Variants in KIF6 observed in about 807,000 individuals in gnomAD.
KIF6 encodes the protein kinesin family member 6, also known as kinesin-like protein KIF6.
KIF6 carries 106 observed loss-of-function variants against 112.7 expected under a neutral mutation model. That is an observed-to-expected ratio of 0.94 (90% CI 0.80 to 1.11). The LOEUF is 1.11. KIF6 is among the 50% of genes least tolerant of loss of function. KIF6 has a pLI of 0.00. For missense variants in KIF6, 929 were observed against 964.0 expected, an observed-to-expected ratio of 0.96 and a Z score of 0.48; for synonymous variants, 339 against 339.9, an observed-to-expected ratio of 1.00 and a Z score of 0.03.
intron 7 of KIF6, among the ~76,000 whole-genome samples, chr6:39,595,399 T>C (rs571079536): frequency 2.0e-5 from 3 of 152,338 alleles, no homozygotes; most frequent in South Asian, 4.1e-4. Flanking sequence ...TTTGGAAGAC[T>C]TGAATTTTAA....
intron 13 of KIF6, among the ~76,000 whole-genome samples, chr6:39,442,476 C>T (rs1428839549): frequency 6.6e-6 from 1 of 152,204 alleles, no homozygotes; most frequent in Non-Finnish European, 1.5e-5. Context: ...TTACAGAAAT[C>T]CGTGGACAGA....
intron 5 of KIF6, among the ~76,000 whole-genome samples, chr6:39,621,188 G>A (rs994183810): frequency 6.4e-5 from 9 of 140,830 alleles, no homozygotes; most frequent in Non-Finnish European, 6.0e-5. Context: ...AAATAACACC[G>A]TAAGATAGAC....
chr6:39,711,192 T>C (rs1554153261), intron 3 of KIF6, among the ~76,000 whole-genome samples: 1 of 90,336 alleles, frequency 1.1e-5, no homozygotes, highest in Non-Finnish European at 2.3e-5. Context: ...TAAGAATACA[T>C]GAAAAAAAAA....
chr6:39,349,631 CTTTTTTTTTT>C (rs58810898), intron 19 of KIF6, among the ~76,000 whole-genome samples: 809 of 64,532 alleles, frequency 0.013, 18 homozygotes, highest in African/African-American at 0.048. Flanking sequence ...ATTTGTGGCT[CTTTTTTTTTT>C]TTTTTTTTTT....
intron 15 of KIF6, among the ~76,000 whole-genome samples, chr6:39,402,632 G>A (rs943093657): frequency 1.3e-5 from 2 of 152,166 alleles, no homozygotes; most frequent in African/African-American, 4.8e-5. Context: ...GCACTTATTT[G>A]TAGTGACCTA....
At chr6:39,473,511 T>C (rs1774255735) in intron 13 of KIF6, among the ~76,000 whole-genome samples, 1 of 152,166 alleles carries the variant, frequency 6.6e-6, no homozygotes, top group Non-Finnish European at 1.5e-5. Context: ...GGGCCCAATG[T>C]CATTAGAAAG....
intron 3 of KIF6, among the ~76,000 whole-genome samples, chr6:39,656,402 T>C (rs576535257): frequency 1.3e-5 from 2 of 152,330 alleles, no homozygotes; most frequent in South Asian, 4.1e-4. Flanking sequence ...ATCCTCTGTC[T>C]ACACTGCCAC....
rs115712108 is a variant in KIF6 at position 39,441,178 on chromosome 6, G to A, written c.1646-10017C>T. ...ACTCTTCATACCCCTAGAAGACATC[G>A]CTGATCAATCTCAGCATCTTTCCTG... is the stretch of plus-strand genomic sequence containing the variant. On this transcript the variant is annotated intron_variant, in intron 13 of 22. Transcript: ENST00000287152. Among the ~76,000 whole-genome samples, 1,417 of 152,214 alleles carry A rather than the reference G, an allele frequency of 9.3e-3. 15 individuals are homozygous for A. Among genetic ancestry groups the A allele is most frequent in the Middle Eastern group, 0.041 (12 of 294 alleles).
intron 5 of KIF6, among the ~76,000 whole-genome samples, chr6:39,614,788 G>GAATTC (rs2150723614): frequency 6.6e-6 from 1 of 152,226 alleles, no homozygotes; most frequent in Admixed American, 6.5e-5. Context: ...GAATTGAATT[G>GAATTC]AAATGGATGA....
chr6:39,612,705 C>T (rs529599685), intron 6 of KIF6, among the ~76,000 whole-genome samples: 7 of 152,254 alleles, frequency 4.6e-5, no homozygotes, highest in Middle Eastern at 3.4e-3. Flanking sequence ...GTTCTAAGTA[C>T]TTTATACATA....
chr6:39,622,948 C>T (rs575744367), intron 5 of KIF6, among the ~76,000 whole-genome samples: 31 of 152,174 alleles, frequency 2.0e-4, no homozygotes, highest in African/African-American at 7.2e-4. Context: ...CTTTAAGGTG[C>T]GGTGGTGTGG....
chr6:39,557,408 A>T (rs540479032), intron 10 of KIF6, among the ~76,000 whole-genome samples: 1 of 152,272 alleles, frequency 6.6e-6, no homozygotes, highest in East Asian at 1.9e-4. Context: ...TGAAAACTTA[A>T]GTGTTTAAAA....
At chr6:39,546,556 T>C (rs1175671208) in intron 10 of KIF6, among the ~76,000 whole-genome samples, 1 of 152,200 alleles carries the variant, frequency 6.6e-6, no homozygotes, top group African/African-American at 2.4e-5. Flanking sequence ...CCGGGTACAG[T>C]GGCTCACACT....
chr6:39,431,112 G>A lies in KIF6; in HGVS notation c.1695C>T (p.Phe565=), dbSNP rs761136531. ...TAACGCTGTCAGCGTGGTCCCTCTT[G>A]AAGATTTCAAAAGCCTCCTGGCATC... ...SLGCQEAFEI[F]KRDHADSVTI... Residue 565 remains phenylalanine (F), a synonymous_variant, in exon 14 of 23, where the codon TTC becomes TTT. Coordinates refer to ENST00000287152, the MANE Select transcript of KIF6 (RefSeq NM_145027.6). 1 of 1,613,510 alleles carries A rather than the reference G, an allele frequency of 6.2e-7. No homozygotes were observed. The highest frequency in any genetic ancestry group is 2.2e-5 in the East Asian group (1 of 44,872).
chr6:39,489,528 G>A (rs1478504623), intron 13 of KIF6, among the ~76,000 whole-genome samples: 1 of 152,100 alleles, frequency 6.6e-6, no homozygotes, highest in Non-Finnish European at 1.5e-5. Context: ...ACTAGCACTT[G>A]AGCAAAAACC....
chr6:39,587,829 T>G (rs1006646324), intron 7 of KIF6, among the ~76,000 whole-genome samples: 11 of 152,204 alleles, frequency 7.2e-5, no homozygotes, highest in African/African-American at 1.9e-4. Context: ...TCTTCTGAAT[T>G]AATTTCCCTT....
chr6:39,520,928 C>T (rs894931466), intron 13 of KIF6, among the ~76,000 whole-genome samples: 1 of 152,170 alleles, frequency 6.6e-6, no homozygotes, highest in Non-Finnish European at 1.5e-5. Context: ...TTTGGGTTGT[C>T]AGAACAATTG....
intron 3 of KIF6, 97 bp from the exon 4 acceptor site, chr6:39,639,854 TAAAAAAACTTTATAG>T: frequency 1.9e-6 from 2 of 1,042,368 alleles, no homozygotes; most frequent in South Asian, 3.5e-5. Flanking sequence ...TAAACACTAT[TAAAAAAACTTTATAG>T]AAATATCTAT....
In KIF6 at chr6:39,535,837, A is replaced by G. The variant is rs550807336; in HGVS notation, c.1645+4166T>C. 1.6e-3 allele frequency among the ~76,000 whole-genome samples: 244 copies of G among 152,238 alleles called. 6 individuals are homozygous for G. The South Asian group carries it at 0.044, about 27-fold the overall frequency. ...AGTAAAGCTCTCCTCAGCAAATGTA[A>G]AAGAACAGAAATTATAACAAACTGT... On this transcript the variant is annotated intron_variant, in intron 13 of 22. Transcript: ENST00000287152.
Sources: allele counts gnomAD v4.1 joint callset (sites outside exome capture counted in the v4.1 genomes callset), GRCh38; gene constraint gnomAD v4.1.1; transcripts MANE v1.5; gene names NCBI Gene and HGNC (gene_info 2026-07-23, HGNC 2026-07-21).